The following PTBP2 variants were observed in gnomAD, a reference collection of about 807,000 sequenced individuals.
PTBP2 encodes polypyrimidine tract binding protein 2, also known as polypyrimidine tract-binding protein 2.
Under a neutral mutation model 61.4 loss-of-function variants are expected in PTBP2, and 13 were observed. That is an observed-to-expected ratio of 0.21 (90% CI 0.14 to 0.34). PTBP2 has a LOEUF of 0.34. Among genes scored for constraint, PTBP2 ranks in the 10% least tolerant of loss-of-function variants. PTBP2 has a pLI of 1.00. For missense variants in PTBP2, 405 were observed against 642.6 expected, an observed-to-expected ratio of 0.63 and a Z score of 4.00; for synonymous variants, 215 against 218.5, an observed-to-expected ratio of 0.98 and a Z score of 0.14.
chr1:96,761,347 TGTG>T (rs1256881157), intron 3 of PTBP2, among the ~76,000 whole-genome samples: 22 of 7,990 alleles, frequency 2.8e-3, no homozygotes, highest in East Asian at 0.015. Context: ...TGGGATTTGA[TGTG>T]TGTGTGTGTG....
chr1:96,803,037 A>G (rs1219774593), intron 8 of PTBP2, among the ~76,000 whole-genome samples: 1 of 152,164 alleles, frequency 6.6e-6, no homozygotes, highest in Non-Finnish European at 1.5e-5. Flanking sequence ...CAACAAGTGA[A>G]CGTATCCATT....
chr1:96,768,894 T>G (rs966049836), intron 3 of PTBP2, among the ~76,000 whole-genome samples: 2 of 152,020 alleles, frequency 1.3e-5, no homozygotes, highest in African/African-American at 4.8e-5. Context: ...TTTATAAACT[T>G]TACATTCTTT....
At position 96,813,430 on chromosome 1, in the gene PTBP2, T is replaced by C; in HGVS notation, c.*25T>C. Reference sequence around the variant, plus strand: ...AAAATGGGAAGATGAAGATTGGGGGTGAATCACATTGTTCAATGTCATCAC... The same window carrying C: ...AAAATGGGAAGATGAAGATTGGGGGCGAATCACATTGTTCAATGTCATCAC... On this transcript the variant is annotated 3_prime_UTR_variant, in exon 14 of 14. Coordinates refer to ENST00000674951, the MANE Select transcript of PTBP2 (RefSeq NM_021190.4). 6.4e-7 allele frequency: 1 copy of C among 1,551,668 alleles called. No homozygotes were observed. The highest frequency in any genetic ancestry group is 1.2e-5 in the South Asian group (1 of 82,102).
chr1:96,772,456 A>G (rs1657488891), intron 5 of PTBP2, among the ~76,000 whole-genome samples: 1 of 152,124 alleles, frequency 6.6e-6, no homozygotes, highest in Admixed American at 6.6e-5. Flanking sequence ...CTATTTTACA[A>G]TGTCACAATA....
At position 96,746,887 on chromosome 1, in the gene PTBP2, C is replaced by G. The variant is rs1382671656; in HGVS notation, c.40-4538C>G. Among the ~76,000 whole-genome samples, 73 of 46,850 alleles carry G rather than the reference C, an allele frequency of 1.6e-3. 4 individuals carry two copies. In the East Asian group the frequency reaches 0.032, roughly 21 times the overall value. The allele number at this position is 46,850 out of a possible 152,430, so 30.7% of individuals were successfully genotyped here. ...CGTCCGTCTGTCCCTCCCTCCCTCC[C>G]TCCCTCCCTCCCTCCCTCCCTCCCT... is the stretch of plus-strand genomic sequence containing the variant. On this transcript the variant is annotated intron_variant, in intron 2 of 13. Coordinates refer to ENST00000674951, the MANE Select transcript of PTBP2 (RefSeq NM_021190.4).
chr1:96,729,582 C>G (rs913593665), intron 2 of PTBP2, among the ~76,000 whole-genome samples: 20 of 152,068 alleles, frequency 1.3e-4, no homozygotes, highest in Non-Finnish European at 2.9e-4. Flanking sequence ...AGGTTTTAAA[C>G]TACATATTCA....
intron 8 of PTBP2, among the ~76,000 whole-genome samples, chr1:96,795,233 C>CAGTCCCACCATAGAT (rs1553185500): frequency 6.6e-6 from 1 of 152,132 alleles, no homozygotes; most frequent in Non-Finnish European, 1.5e-5. Context: ...CTAGGAATAA[C>CAGTCCCACCATAGAT]AGGTGGGAGA....
At chr1:96,781,782 G>A (rs1180426217) in intron 7 of PTBP2, among the ~76,000 whole-genome samples, 1 of 149,886 alleles carries the variant, frequency 6.7e-6, no homozygotes, top group Non-Finnish European at 1.5e-5. Flanking sequence ...ATTAAACATT[G>A]ACATTCAGGG....
chr1:96,758,512 A>G (rs942334492), intron 3 of PTBP2, among the ~76,000 whole-genome samples: 1 of 152,114 alleles, frequency 6.6e-6, no homozygotes, highest in Non-Finnish European at 1.5e-5. Context: ...ATGTTGGTAA[A>G]TCACCTCCGG....
At position 96,769,848 on chromosome 1, in the gene PTBP2, C is replaced by T. The variant is rs911292281; in HGVS notation, c.261C>T (p.Asn87=). The change falls in exon 4 of 14, where the codon AAC becomes AAT. Residue 87 remains asparagine, a synonymous_variant. Transcript: ENST00000674951. ...ALGLPFGKVT[N]ILMLKGKNQA... ...GCTTACCTTTTGGTAAGGTGACCAA[C>T]ATCCTTATGCTGAAAGGAAAAAATC... 43 of 1,595,278 alleles carry T rather than the reference C, an allele frequency of 2.7e-5. No homozygotes were observed. The highest frequency in any genetic ancestry group is 3.5e-5 in the Non-Finnish European group (41 of 1,172,344).
At chr1:96,771,975 C>T (rs1323511348) in intron 5 of PTBP2, among the ~76,000 whole-genome samples, 1 of 152,154 alleles carries the variant, frequency 6.6e-6, no homozygotes, top group East Asian at 1.9e-4. Flanking sequence ...CTTCTGTGGC[C>T]TCAAATGTGG....
intron 5 of PTBP2, among the ~76,000 whole-genome samples, chr1:96,776,539 T>C (rs1658066597): frequency 6.6e-6 from 1 of 151,994 alleles, no homozygotes; most frequent in Admixed American, 6.6e-5. Context: ...TTGTTTATTC[T>C]CCTGAGTGTC....
intron 11 of PTBP2, among the ~76,000 whole-genome samples, chr1:96,811,111 G>T (rs557451933): frequency 4.5e-4 from 68 of 151,682 alleles, no homozygotes; most frequent in Non-Finnish European, 8.4e-4. Flanking sequence ...ATGGCTAGTG[G>T]TTATCATAAT....
At chr1:96,799,293 G>GTTTTTTTTTTTTTTT (rs1557768004) in intron 8 of PTBP2, among the ~76,000 whole-genome samples, 1 of 88,290 alleles carries the variant, frequency 1.1e-5, no homozygotes. Flanking sequence ...AATAGATCAA[G>GTTTTTTTTTTTTTTT]CTTTTTTTTT....
chr1:96,807,592 G>C (rs2101217641), intron 11 of PTBP2, among the ~76,000 whole-genome samples: 1 of 152,268 alleles, frequency 6.6e-6, no homozygotes. Context: ...TTACATTTCT[G>C]TTCATTGAGA....
At chr1:96,759,895 G>A (rs898851524) in intron 3 of PTBP2, among the ~76,000 whole-genome samples, 7 of 152,288 alleles carry the variant, frequency 4.6e-5, no homozygotes, top group Admixed American at 1.3e-4. Flanking sequence ...GACTGGGGAA[G>A]CCTCATAATC....
In PTBP2 at chr1:96,730,651, C is replaced by G. The variant is rs1305713064; in HGVS notation, c.39+7057C>G. ...GTATTCACTGAATACTCTGATGATTCTCTGCAGATTTGGAGAAATCTCTGT... is the reference window on the plus strand; with the variant it reads ...GTATTCACTGAATACTCTGATGATTGTCTGCAGATTTGGAGAAATCTCTGT... On this transcript the variant is annotated intron_variant, in intron 2 of 13. Coordinates refer to ENST00000674951, the MANE Select transcript of PTBP2 (RefSeq NM_021190.4). 2.6e-5 allele frequency among the ~76,000 whole-genome samples: 4 copies of G among 152,160 alleles called. No homozygotes were observed. The East Asian group carries it at 7.7e-4, about 29-fold the overall frequency.
intron 8 of PTBP2, among the ~76,000 whole-genome samples, chr1:96,787,747 G>A (rs1355507902): frequency 1.3e-5 from 2 of 151,946 alleles, no homozygotes; most frequent in African/African-American, 4.8e-5. Context: ...ATCTTTTATT[G>A]TAATTGACAT....
chr1:96,807,011 ATAATGTGAATGTGC>A, intron 11 of PTBP2, 53 bp downstream of exon 11: 1 of 1,336,216 alleles, frequency 7.5e-7, no homozygotes, highest in Non-Finnish European at 1.0e-6. Context: ...TTTCAAATGC[ATAATGTGAATGTGC>A]GAATAAAAAT....
Sources: allele counts gnomAD v4.1 joint callset (sites outside exome capture counted in the v4.1 genomes callset), GRCh38; gene constraint gnomAD v4.1.1; transcripts MANE v1.5; gene names NCBI Gene and HGNC (gene_info 2026-07-23, HGNC 2026-07-21).